Variants in PCNX1 observed in about 807,000 individuals in gnomAD.
PCNX1 encodes the protein pecanex 1.
A neutral mutation model predicts 242.2 loss-of-function variants in PCNX1; 78 were observed. That is an observed-to-expected ratio of 0.32 (90% confidence interval 0.27 to 0.39). The LOEUF is 0.39. Ranked by LOEUF, PCNX1 falls within the 10% of genes least tolerant of loss-of-function variation. PCNX1 has a pLI of 1.00. For synonymous variants in PCNX1, 1,024 were observed against 1,032.9 expected, an observed-to-expected ratio of 0.99 and a Z score of 0.17; for missense variants, 2,581 against 2,856.5, an observed-to-expected ratio of 0.90 and a Z score of 2.20.
In PCNX1 at chr14:71,027,687, T is replaced by C. The variant is rs547831844; in HGVS notation, c.3466+805T>C. On this transcript the variant is annotated intron_variant, in intron 15 of 35. Transcript: ENST00000304743. ...ATCCTCTCTGCTGATAAAATGTCAA[T>C]ATTATGGCTTTCATTTTAAATAGAA... Among the ~76,000 whole-genome samples the C allele has an allele frequency of 1.1e-4, 16 of 152,076 alleles. No homozygotes were observed. The South Asian group carries it at 3.3e-3, about 32-fold the overall frequency.
chr14:71,002,061 G>A (rs1262272376), intron 8 of PCNX1, among the ~76,000 whole-genome samples: 1 of 152,188 alleles, frequency 6.6e-6, no homozygotes, highest in African/African-American at 2.4e-5. Context: ...GCTGAAAAAT[G>A]TCTCTAACTA....
intron 11 of PCNX1, among the ~76,000 whole-genome samples, chr14:71,014,818 A>G (rs2059917096): frequency 6.6e-6 from 1 of 152,202 alleles, no homozygotes; most frequent in African/African-American, 2.4e-5. Context: ...TTGAAGAAAT[A>G]AGAGTGGAGA....
intron 1 of PCNX1, among the ~76,000 whole-genome samples, chr14:70,931,714 G>A (rs1364857502): frequency 3.9e-5 from 6 of 152,142 alleles, no homozygotes; most frequent in African/African-American, 7.2e-5. Context: ...TCAGTTTTTC[G>A]CAATAAATAT....
chr14:70,962,179 A>G, intron 2 of PCNX1, 47 bp from the exon 3 acceptor site: 1 of 1,094,190 alleles, frequency 9.1e-7, no homozygotes, highest in Non-Finnish European at 1.4e-6. Context: ...AAAGCATTGG[A>G]GTCAGAATAA....
In PCNX1 at chr14:71,112,261, C is replaced by T. The variant is rs2062766490; in HGVS notation, c.*2326C>T. ...CTCCAAAAAAATTTTAAACACATCACATACTCTGAAAAGTCAGATTTCAAA... is the reference window on the plus strand; with the variant it reads ...CTCCAAAAAAATTTTAAACACATCATATACTCTGAAAAGTCAGATTTCAAA... On this transcript the variant is annotated 3_prime_UTR_variant, in exon 36 of 36. Transcript: ENST00000304743. The T allele has an allele frequency of 6.6e-6, 1 of 152,040 alleles. No homozygotes were observed. Among genetic ancestry groups the T allele is most frequent in the African/African-American group, 2.4e-5 (1 of 41,432 alleles). 9.4% of individuals were successfully genotyped at this position (152,040 alleles called of 1,614,324 possible).
chr14:71,099,832 T>G (rs1243822163), intron 30 of PCNX1, among the ~76,000 whole-genome samples: 1 of 152,204 alleles, frequency 6.6e-6, no homozygotes, highest in Non-Finnish European at 1.5e-5. Flanking sequence ...GGTAATGACC[T>G]TTTGTTTCCA....
intron 26 of PCNX1, among the ~76,000 whole-genome samples, chr14:71,063,884 A>T (rs1219255958): frequency 1.3e-5 from 2 of 152,116 alleles, no homozygotes; most frequent in East Asian, 3.8e-4. Flanking sequence ...TGTAAACTTT[A>T]TGTGAAAAAT....
intron 8 of PCNX1, among the ~76,000 whole-genome samples, chr14:71,000,450 C>T (rs1478849102): frequency 6.6e-6 from 1 of 151,584 alleles, no homozygotes; most frequent in Non-Finnish European, 1.5e-5. Flanking sequence ...GACTTTTGTG[C>T]TACTGTTTGA....
chr14:70,927,105 G>A (rs1234376940), intron 1 of PCNX1, among the ~76,000 whole-genome samples: 1 of 152,200 alleles, frequency 6.6e-6, no homozygotes, highest in Non-Finnish European at 1.5e-5. Flanking sequence ...ATAATCCAGT[G>A]TATGTAGTGC....
At chr14:71,009,469 A>G (rs769461611) in intron 8 of PCNX1, among the ~76,000 whole-genome samples, 165 bp from the exon 9 acceptor site, 3 of 152,184 alleles carry the variant, frequency 2.0e-5, no homozygotes, top group Non-Finnish European at 2.9e-5. Context: ...TTCCTTTTCA[A>G]CTCACATCTT....
chr14:70,940,741 C>G (rs976128738), intron 1 of PCNX1, among the ~76,000 whole-genome samples: 1 of 152,230 alleles, frequency 6.6e-6, no homozygotes, highest in Non-Finnish European at 1.5e-5. Context: ...TGGTGCCATT[C>G]TCCCTGTCAC....
chr14:71,048,933 A>G, intron 22 of PCNX1: 1 of 428,446 alleles, frequency 2.3e-6, no homozygotes, highest in Non-Finnish European at 3.1e-6. Flanking sequence ...AAAATATTTC[A>G]ATATTATATC....
At chr14:71,075,825 G>T (rs1403423453) in intron 27 of PCNX1, among the ~76,000 whole-genome samples, 4 of 152,072 alleles carry the variant, frequency 2.6e-5, no homozygotes, top group Non-Finnish European at 4.4e-5. Flanking sequence ...GATAGAGGTT[G>T]CAGTGAGCCG....
At position 71,053,378 on chromosome 14, in the gene PCNX1, C is replaced by T. The variant is rs544282351; in HGVS notation, c.4577+1366C>T. On this transcript the variant is annotated intron_variant, in intron 24 of 35. Transcript: ENST00000304743. The stretch of plus-strand genomic sequence containing the variant: ...ACCTCCGCCTCCCGGAGTGCAATGG[C>T]GCCATCTTGATTCACTGCAACCTCC... 527 of 424,098 alleles carry T rather than the reference C, an allele frequency of 1.2e-3. 2 individuals carry two copies. Among genetic ancestry groups the T allele is most frequent in the African/African-American group, 0.01 (481 of 47,956 alleles). 26.3% of individuals were successfully genotyped at this position (424,098 alleles called of 1,614,324 possible).
intron 33 of PCNX1, among the ~76,000 whole-genome samples, chr14:71,106,560 T>C (rs1241340934): frequency 6.6e-6 from 1 of 152,052 alleles, no homozygotes; most frequent in African/African-American, 2.4e-5. Flanking sequence ...TTTTTTTTTT[T>C]TTAAACCAGT....
At chr14:71,030,797 C>T (rs926090315) in intron 16 of PCNX1, among the ~76,000 whole-genome samples, 1 of 152,238 alleles carries the variant, frequency 6.6e-6, no homozygotes, top group Admixed American at 6.5e-5. Context: ...TCCCTGCTTA[C>T]GTCCAGGAAT....
chr14:71,047,242 G>T, intron 21 of PCNX1, 137 bp downstream of exon 21: 1 of 483,248 alleles, frequency 2.1e-6, no homozygotes, highest in Non-Finnish European at 3.5e-6. Context: ...GTGACATTTT[G>T]TCCTTGACTT....
At chr14:71,040,805 A>G (rs963096560) in intron 19 of PCNX1, among the ~76,000 whole-genome samples, 1 of 151,968 alleles carries the variant, frequency 6.6e-6, no homozygotes, top group African/African-American at 2.4e-5. Flanking sequence ...GTACCCATTA[A>G]CCATTGCTAC....
chr14:71,064,229 T>C (rs1477870564), intron 26 of PCNX1, among the ~76,000 whole-genome samples: 2 of 152,130 alleles, frequency 1.3e-5, no homozygotes, highest in Non-Finnish European at 2.9e-5. Flanking sequence ...TATCTCCTAG[T>C]AATACATTTT....
Sources: gnomAD v4.1 joint callset for allele counts (sites outside exome capture counted in the v4.1 genomes callset) on GRCh38, gnomAD v4.1.1 for gene constraint, MANE v1.5 for transcripts, NCBI Gene and HGNC (gene_info 2026-07-23, HGNC 2026-07-21) for gene names.